Variants in SLIT3 observed in about 807,000 individuals in gnomAD.
The protein encoded by SLIT3 is slit homolog 3 protein.
A neutral mutation model predicts 184.0 loss-of-function variants in SLIT3; 68 were observed. That is an observed-to-expected ratio of 0.37 (90% CI 0.30 to 0.45). The LOEUF (loss-of-function observed/expected upper bound fraction) is 0.45. Among genes scored for constraint, SLIT3 ranks in the 20% least tolerant of loss-of-function variants. The pLI is 1.00. For missense variants in SLIT3, 1,707 were observed against 2,026.0 expected (o/e 0.84, Z 3.02); for synonymous variants, 831 against 828.6 (o/e 1.00, Z -0.05).
chr5:168,965,655 A>G (rs968266789), intron 4 of SLIT3, among the ~76,000 whole-genome samples: 10 of 152,212 alleles, frequency 6.6e-5, no homozygotes, highest in Admixed American at 5.9e-4. Flanking sequence ...GCAAACTGCT[A>G]TTATGCACCT....
At chr5:168,698,958 A>G (rs934834750) in intron 27 of SLIT3, among the ~76,000 whole-genome samples, 1 of 152,218 alleles carries the variant, frequency 6.6e-6, no homozygotes, top group Non-Finnish European at 1.5e-5. Flanking sequence ...GATGGGAGAA[A>G]CACAGTTGCC....
chr5:168,967,398 T>C (rs1461360473), intron 4 of SLIT3, among the ~76,000 whole-genome samples: 2 of 150,402 alleles, frequency 1.3e-5, no homozygotes. Context: ...ATAATTTTTC[T>C]AAGCTGCCTT....
At chr5:169,197,964 C>A (rs574831552) in intron 3 of SLIT3, among the ~76,000 whole-genome samples, 147 of 152,244 alleles carry the variant, frequency 9.7e-4, no homozygotes, top group African/African-American at 3.4e-3. Context: ...AAGTTTTTGC[C>A]ACTTCATCGA....
intron 5 of SLIT3, among the ~76,000 whole-genome samples, chr5:168,856,042 G>A (rs1758852449): frequency 6.6e-6 from 1 of 152,192 alleles, no homozygotes; most frequent in Non-Finnish European, 1.5e-5. Flanking sequence ...CTCGGAGGCA[G>A]AGGTTGCAGT....
At chr5:169,254,145 G>A (rs1765868941) in intron 1 of SLIT3, among the ~76,000 whole-genome samples, 1 of 152,208 alleles carries the variant, frequency 6.6e-6, no homozygotes, top group Non-Finnish European at 1.5e-5. Flanking sequence ...CTCTGGGCCT[G>A]CATGCTTTGT....
At chr5:168,678,958 G>T (rs544143909) in intron 32 of SLIT3, among the ~76,000 whole-genome samples, 1 of 152,334 alleles carries the variant, frequency 6.6e-6, no homozygotes, top group South Asian at 2.1e-4. Context: ...CAAGTGGGAG[G>T]TGGAGAGCTC....
intron 20 of SLIT3, among the ~76,000 whole-genome samples, chr5:168,738,203 C>T (rs995363515): frequency 6.6e-6 from 1 of 152,120 alleles, no homozygotes; most frequent in Non-Finnish European, 1.5e-5. Flanking sequence ...TTCCTTTTGC[C>T]CTGTGTTGAC....
chr5:168,766,036 G>C (rs1432094938), intron 14 of SLIT3, among the ~76,000 whole-genome samples: 1 of 152,238 alleles, frequency 6.6e-6, no homozygotes, highest in Admixed American at 6.5e-5. Flanking sequence ...GACCAGGGGT[G>C]TGGGACAGGT....
chr5:168,849,573 T>G (rs556615786), intron 5 of SLIT3, among the ~76,000 whole-genome samples: 124 of 152,282 alleles, frequency 8.1e-4, no homozygotes, highest in Admixed American at 1.5e-3. Context: ...AAGAGTAACA[T>G]AGTACTATTA....
intron 20 of SLIT3, among the ~76,000 whole-genome samples, chr5:168,726,095 G>C (rs1326997556): frequency 6.6e-6 from 1 of 151,956 alleles, no homozygotes; most frequent in African/African-American, 2.4e-5. Flanking sequence ...AGCTATGCTA[G>C]ATCCTGGGAG....
At chr5:169,220,918 C>A (rs1764599048) in intron 3 of SLIT3, among the ~76,000 whole-genome samples, 1 of 152,188 alleles carries the variant, frequency 6.6e-6, no homozygotes. Flanking sequence ...CCTTCTGTAC[C>A]AGCCCCTTCT....
intron 12 of SLIT3, 101 bp downstream of exon 12, chr5:168,785,806 G>A (rs570577173): frequency 2.4e-6 from 2 of 831,102 alleles, no homozygotes; most frequent in South Asian, 3.0e-5. Context: ...TCTTTTGTCT[G>A]CAGAAAGTCA....
chr5:168,859,728 C>T (rs1021652437), intron 5 of SLIT3, among the ~76,000 whole-genome samples: 1 of 152,106 alleles, frequency 6.6e-6, no homozygotes. Context: ...ACGGCATTTG[C>T]TATTTTATGT....
At chr5:169,285,233 G>T (rs1039238816) in intron 1 of SLIT3, among the ~76,000 whole-genome samples, 5 of 152,118 alleles carry the variant, frequency 3.3e-5, no homozygotes, top group Non-Finnish European at 7.4e-5. Context: ...ACAGATTTTT[G>T]AATCCAGATC....
intron 4 of SLIT3, among the ~76,000 whole-genome samples, chr5:169,000,033 A>AATCAGTGCT: frequency 6.6e-6 from 1 of 152,180 alleles, no homozygotes; most frequent in East Asian, 1.9e-4. Flanking sequence ...CACTTGCTAA[A>AATCAGTGCT]ATCAGTGCTC....
At chr5:168,678,027 C>T (rs1320858334) in intron 32 of SLIT3, among the ~76,000 whole-genome samples, 1 of 152,128 alleles carries the variant, frequency 6.6e-6, no homozygotes, top group African/African-American at 2.4e-5. Context: ...TTGTGAGTCC[C>T]ATTTTAGGGA....
chr5:168,737,501 C>T (rs1455924135), intron 20 of SLIT3, among the ~76,000 whole-genome samples: 3 of 152,168 alleles, frequency 2.0e-5, no homozygotes, highest in Admixed American at 6.5e-5. Flanking sequence ...TGCCAGCCTG[C>T]TTCCCACAGT....
intron 4 of SLIT3, among the ~76,000 whole-genome samples, chr5:169,052,922 C>T (rs1222063541): frequency 6.6e-6 from 1 of 151,786 alleles, no homozygotes; most frequent in African/African-American, 2.4e-5. Context: ...TTGCAGAGAA[C>T]CACCGCCTCC....
chr5:169,244,859 G>A, intron 2 of SLIT3, 83 bp from the exon 3 acceptor site: 2 of 1,156,928 alleles, frequency 1.7e-6, no homozygotes, highest in Non-Finnish European at 2.6e-6. Context: ...TGCAGGCATG[G>A]TCACTCAGCC....
Sources: allele counts gnomAD v4.1 joint callset (sites outside exome capture counted in the v4.1 genomes callset), GRCh38; gene constraint gnomAD v4.1.1; transcripts MANE v1.5; gene names NCBI Gene and HGNC (gene_info 2026-07-23, HGNC 2026-07-21).